The following HIBCH variants were observed in gnomAD, a reference collection of about 807,000 sequenced individuals.
HIBCH encodes the protein 3-hydroxyisobutyryl-CoA hydrolase, mitochondrial.
In HIBCH, 50 loss-of-function variants were observed where a neutral mutation model predicts 58.2. That is an observed-to-expected ratio of 0.86 (90% confidence interval 0.68 to 1.09). The LOEUF (loss-of-function observed/expected upper bound fraction) is 1.09. Among genes scored for constraint, HIBCH ranks in the 50% least tolerant of loss-of-function variants. The probability of loss-of-function intolerance (pLI) is 0.00; values close to 1 mark genes in which losing one functional copy is unlikely to be tolerated. For synonymous variants in HIBCH, 151 were observed against 146.9 expected, an observed-to-expected ratio of 1.03 and a Z score of -0.20; for missense variants, 450 against 449.7, an observed-to-expected ratio of 1.00 and a Z score of -0.01.
At chr2:190,292,145 G>A (rs1268664377) in intron 4 of HIBCH, among the ~76,000 whole-genome samples, 3 of 151,790 alleles carry the variant, frequency 2.0e-5, no homozygotes, top group South Asian at 4.2e-4. Context: ...ACCATGCCTG[G>A]CTAATTTTTG....
At chr2:190,291,013 TA>T (rs974884869) in intron 4 of HIBCH, among the ~76,000 whole-genome samples, 1 of 151,924 alleles carries the variant, frequency 6.6e-6, no homozygotes, top group Non-Finnish European at 1.5e-5. Context: ...CCTGTCTCCT[TA>T]AAAAAAATAA....
At chr2:190,319,621 A>T in intron 1 of HIBCH, 95 bp downstream of exon 1, 2 of 1,110,326 alleles carry the variant, frequency 1.8e-6, no homozygotes, top group South Asian at 2.6e-5. Flanking sequence ...CGCGACTCGA[A>T]ACTTCGAGGC....
chr2:190,245,102 G>A (rs543956560), intron 10 of HIBCH, 134 bp from the exon 11 acceptor site: 27 of 688,882 alleles, frequency 3.9e-5, no homozygotes, highest in Admixed American at 8.5e-5. Flanking sequence ...TTAACAGGAC[G>A]TGAAAAGAAA....
At chr2:190,266,466 C>A (rs1687238507) in intron 6 of HIBCH, among the ~76,000 whole-genome samples, 1 of 152,206 alleles carries the variant, frequency 6.6e-6, no homozygotes, top group African/African-American at 2.4e-5. Context: ...CAGAGTCTCA[C>A]CCTGTCACCC....
In HIBCH at chr2:190,319,688, G is replaced by A. The variant is rs1688796596; in HGVS notation, c.35+28C>T. On this transcript the variant is annotated intron_variant, in intron 1 of 13. Coordinates refer to ENST00000359678, the MANE Select transcript of HIBCH (RefSeq NM_014362.4). ...TGTGGCGAGTGCCGCTGAAGAGCCT[G>A]CCCTTGGCCCCTCGCTCTCTCACTC... 1.3e-6 allele frequency: 2 copies of A among 1,580,682 alleles called. No homozygotes were observed. Among genetic ancestry groups the A allele is most frequent in the African/African-American group, 1.3e-5 (1 of 74,490 alleles).
intron 6 of HIBCH, among the ~76,000 whole-genome samples, chr2:190,265,152 T>TAAAAA (rs1687198450): frequency 2.5e-5 from 3 of 118,404 alleles, no homozygotes; most frequent in Admixed American, 8.2e-5. Flanking sequence ...AAAAAAAAAG[T>TAAAAA]ATTGACTCAT....
chr2:190,231,369 T>C, intron 11 of HIBCH, among the ~76,000 whole-genome samples: 1 of 152,144 alleles, frequency 6.6e-6, no homozygotes, highest in Non-Finnish European at 1.5e-5. Flanking sequence ...TCCTCAAAAT[T>C]AAAAACATTT....
intron 6 of HIBCH, among the ~76,000 whole-genome samples, chr2:190,268,327 C>T (rs186178370): frequency 6.6e-5 from 10 of 152,188 alleles, no homozygotes; most frequent in African/African-American, 2.2e-4. Flanking sequence ...TTTTTAACTG[C>T]GTTATTATTA....
chr2:190,236,401 T>C lies in HIBCH; in HGVS notation c.891+8486A>G, dbSNP rs995306607. Among the ~76,000 whole-genome samples the C allele has an allele frequency of 1.3e-5, 2 of 152,206 alleles. No individual in the cohort carries two copies. The highest frequency in any genetic ancestry group is 4.8e-5 in the African/African-American group (2 of 41,448). On this transcript the variant is annotated intron_variant, in intron 11 of 13. Transcript: ENST00000359678. This position sits in a 1 kb window ranked among gnomAD's most constrained non-coding sequence, Gnocchi z 4.1. ...TTAAGCTAGTTTAAATCAAACATAT[T>C]TAAGAGTTATGTTCTGCTTTGAACT...
intron 11 of HIBCH, among the ~76,000 whole-genome samples, chr2:190,225,694 A>G (rs1685870422): frequency 6.6e-6 from 1 of 152,204 alleles, no homozygotes; most frequent in Non-Finnish European, 1.5e-5. Context: ...CAGAGGTACA[A>G]AGAGGAGCTG....
chr2:190,193,649 C>CTGTT (rs1273880274), intron 1 of HIBCH, among the ~76,000 whole-genome samples: 4 of 152,156 alleles, frequency 2.6e-5, no homozygotes, highest in Non-Finnish European at 2.9e-5. Context: ...TATATTATTC[C>CTGTT]TGTTTGCCTT....
At chr2:190,316,329 G>A (rs1274044510) in intron 1 of HIBCH, among the ~76,000 whole-genome samples, 1 of 152,032 alleles carries the variant, frequency 6.6e-6, no homozygotes, top group Non-Finnish European at 1.5e-5. Context: ...GACAGTCTAT[G>A]TTGCCCAGGC....
intron 6 of HIBCH, among the ~76,000 whole-genome samples, chr2:190,265,018 G>C (rs923006999): frequency 2.0e-5 from 3 of 151,190 alleles, no homozygotes; most frequent in Admixed American, 2.0e-4. Context: ...AGCTACTCGG[G>C]AGGCTGAGGC....
intron 11 of HIBCH, among the ~76,000 whole-genome samples, chr2:190,231,346 G>A (rs1216388768): frequency 6.6e-6 from 1 of 152,098 alleles, no homozygotes; most frequent in Non-Finnish European, 1.5e-5. Flanking sequence ...AAGAGAAAAA[G>A]ATAAATCAGA....
At chr2:190,246,862 G>A (rs1686622651) in intron 9 of HIBCH, among the ~76,000 whole-genome samples, 1 of 152,160 alleles carries the variant, frequency 6.6e-6, no homozygotes, top group Admixed American at 6.5e-5. Flanking sequence ...AGGTGTGGCT[G>A]GATGGTAGCA....
intron 2 of HIBCH, among the ~76,000 whole-genome samples, chr2:190,309,140 T>G (rs1314083195): frequency 6.6e-6 from 1 of 152,182 alleles, no homozygotes; most frequent in Non-Finnish European, 1.5e-5. Flanking sequence ...GTTTTTATAT[T>G]TATGCACCAA....
chr2:190,311,011 A>T, intron 1 of HIBCH: 1 of 685,140 alleles, frequency 1.5e-6, no homozygotes, highest in African/African-American at 1.8e-5. Context: ...CATAACTGCC[A>T]AAATGTGGAC....
chr2:190,233,122 G>A (rs537534605), intron 11 of HIBCH, among the ~76,000 whole-genome samples: 1 of 152,188 alleles, frequency 6.6e-6, no homozygotes, highest in East Asian at 1.9e-4. Context: ...TGAGAAACCT[G>A]AAGCCTTCAT....
intron 11 of HIBCH, among the ~76,000 whole-genome samples, chr2:190,231,040 C>T (rs1173139267): frequency 6.6e-6 from 1 of 152,170 alleles, no homozygotes; most frequent in Admixed American, 6.5e-5. Context: ...GCCATTGTCC[C>T]AGAAACAGAC....
Sources: allele counts gnomAD v4.1 joint callset (sites outside exome capture counted in the v4.1 genomes callset), GRCh38; gene constraint gnomAD v4.1.1; non-coding constraint Gnocchi (gnomAD v3.1); transcripts MANE v1.5; gene names NCBI Gene and HGNC (gene_info 2026-07-23, HGNC 2026-07-21).